STX8: variants seen among roughly 807,000 people sequenced by gnomAD.
STX8 encodes the protein syntaxin 8, also known as syntaxin-8.
A neutral mutation model predicts 37.5 loss-of-function variants in STX8; 23 were observed. That is an observed-to-expected ratio of 0.61 (90% CI 0.44 to 0.87). The LOEUF is 0.87. STX8 is among the 40% of genes least tolerant of loss of function. The pLI is 0.00. For missense variants in STX8, 313 were observed against 284.7 expected (o/e 1.10, Z -0.71); for synonymous variants, 115 against 99.1 (o/e 1.16, Z -0.95).
chr17:9,381,203 A>G (rs372487608), intron 6 of STX8, among the ~76,000 whole-genome samples: 1 of 151,750 alleles, frequency 6.6e-6, no homozygotes, highest in South Asian at 2.1e-4. Context: ...TTCTCAGAAC[A>G]TATCTCTGTC....
intron 7 of STX8, among the ~76,000 whole-genome samples, chr17:9,312,881 A>G (rs1909242119): frequency 6.6e-6 from 1 of 152,118 alleles, no homozygotes; most frequent in South Asian, 2.1e-4. Flanking sequence ...GGCATCCTCC[A>G]GGGAAATGGG....
At chr17:9,546,583 C>T (rs367667727) in intron 3 of STX8, among the ~76,000 whole-genome samples, 1 of 83,718 alleles carries the variant, frequency 1.2e-5, no homozygotes, top group Non-Finnish European at 2.4e-5. Flanking sequence ...ATGCAAACTA[C>T]AAAAGTGGTT....
intron 6 of STX8, among the ~76,000 whole-genome samples, chr17:9,410,243 ATTGAG>A (rs1278167029): frequency 3.9e-5 from 6 of 152,234 alleles, no homozygotes; most frequent in Admixed American, 1.3e-4. Context: ...ATTGCTTATG[ATTGAG>A]TTAATTTCTA....
At chr17:9,573,067 G>T (rs1158560285) in intron 1 of STX8, among the ~76,000 whole-genome samples, 1 of 111,350 alleles carries the variant, frequency 9.0e-6, no homozygotes, top group Non-Finnish European at 1.9e-5. Flanking sequence ...AAAATTCTAA[G>T]CCCACCCCCA....
intron 5 of STX8, among the ~76,000 whole-genome samples, chr17:9,502,337 A>G (rs2142495514): frequency 6.6e-6 from 1 of 152,282 alleles, no homozygotes; most frequent in South Asian, 2.1e-4. Flanking sequence ...GGGTCACAGA[A>G]TACAAAATTT....
At chr17:9,260,966 C>A (rs1264496829) in intron 7 of STX8, among the ~76,000 whole-genome samples, 3 of 151,998 alleles carry the variant, frequency 2.0e-5, no homozygotes, top group Non-Finnish European at 2.9e-5. Context: ...CATCTGGGGG[C>A]CAGAGGGAGC....
intron 7 of STX8, among the ~76,000 whole-genome samples, chr17:9,340,305 A>G (rs1204028430): frequency 6.6e-6 from 1 of 152,236 alleles, no homozygotes; most frequent in African/African-American, 2.4e-5. Flanking sequence ...CTGAGCAATT[A>G]ATAGCCCTCT....
intron 6 of STX8, among the ~76,000 whole-genome samples, chr17:9,402,834 G>A (rs1369434365): frequency 6.6e-6 from 1 of 152,162 alleles, no homozygotes; most frequent in African/African-American, 2.4e-5. Flanking sequence ...CCAGAATCCT[G>A]GGTGCTTGTG....
chr17:9,368,068 T>C (rs1246134700), intron 7 of STX8, among the ~76,000 whole-genome samples: 1 of 152,178 alleles, frequency 6.6e-6, no homozygotes. Flanking sequence ...TATCATAATC[T>C]TGTAAAAAAT....
At chr17:9,277,716 ATCTG>A (rs752938309) in intron 7 of STX8, among the ~76,000 whole-genome samples, 92 of 152,126 alleles carry the variant, frequency 6.0e-4, no homozygotes, top group Non-Finnish European at 1.8e-4. Context: ...TGATGAGGTG[ATCTG>A]TTGAGATCTA....
intron 6 of STX8, among the ~76,000 whole-genome samples, chr17:9,420,030 C>T (rs1192400478): frequency 6.6e-6 from 1 of 152,218 alleles, no homozygotes. Context: ...CACTTAAACC[C>T]ATTCTGTAAT....
At chr17:9,552,792 A>C (rs1447690841) in intron 3 of STX8, 1 of 151,736 alleles carries the variant, frequency 6.6e-6, no homozygotes, top group Non-Finnish European at 1.5e-5. Flanking sequence ...AGCTGGGACT[A>C]CAGGCGCCCG....
At chr17:9,351,933 G>C (rs909790650) in intron 7 of STX8, among the ~76,000 whole-genome samples, 3 of 152,038 alleles carry the variant, frequency 2.0e-5, no homozygotes, top group Admixed American at 2.0e-4. Context: ...AGGATCACTT[G>C]AGCTCAGGAT....
intron 4 of STX8, among the ~76,000 whole-genome samples, chr17:9,506,617 A>G: frequency 6.6e-6 from 1 of 152,048 alleles, no homozygotes; most frequent in African/African-American, 2.4e-5. Context: ...GGACATATGA[A>G]GGCCTTCTCC....
At chr17:9,345,392 C>T (rs932319547) in intron 7 of STX8, among the ~76,000 whole-genome samples, 2 of 151,984 alleles carry the variant, frequency 1.3e-5, no homozygotes, top group Non-Finnish European at 2.9e-5. Context: ...CCAGGTGATC[C>T]GCCTGCCTCG....
rs145978294 is a variant in STX8, at chr17:9,391,962, T to A, written c.542-13309A>T. 2.6e-5 allele frequency among the ~76,000 whole-genome samples: 4 copies of A among 152,246 alleles called. No individual in the cohort carries two copies. In the East Asian group the frequency reaches 7.7e-4, roughly 29 times the overall value. On this transcript the variant is annotated intron_variant, in intron 6 of 7. Coordinates refer to ENST00000306357, the MANE Select transcript of STX8 (RefSeq NM_004853.3). Reference sequence around the variant, plus strand: ...TGACCCCAAATAGTATACGTAGACATTGAGAGCTGAACTACAGGAGAGAAA... The same window carrying A: ...TGACCCCAAATAGTATACGTAGACAATGAGAGCTGAACTACAGGAGAGAAA...
chr17:9,293,656 C>A (rs751948897), intron 7 of STX8, among the ~76,000 whole-genome samples: 1 of 152,010 alleles, frequency 6.6e-6, no homozygotes. Context: ...GAAGTGAATA[C>A]GACACTTTGT....
intron 6 of STX8, among the ~76,000 whole-genome samples, chr17:9,432,047 A>C (rs1023205662): frequency 1.1e-4 from 17 of 152,230 alleles, no homozygotes; most frequent in African/African-American, 1.7e-4. Flanking sequence ...CCATCATTTT[A>C]AGTTAAAAAG....
At chr17:9,394,406 C>T (rs1300232867) in intron 6 of STX8, among the ~76,000 whole-genome samples, 1 of 150,864 alleles carries the variant, frequency 6.6e-6, no homozygotes, top group African/African-American at 2.4e-5. Flanking sequence ...GAGACTAAGT[C>T]TCACTCTATT....
Sources: gnomAD v4.1 joint callset for allele counts (sites outside exome capture counted in the v4.1 genomes callset) on GRCh38, gnomAD v4.1.1 for gene constraint, MANE v1.5 for transcripts, NCBI Gene and HGNC (gene_info 2026-07-23, HGNC 2026-07-21) for gene names.